WNT4: variants seen among roughly 807,000 people sequenced by gnomAD.
WNT4 encodes the protein Wnt family member 4.
Under a neutral mutation model 34.5 loss-of-function variants are expected in WNT4, and 16 were observed. That is an observed-to-expected ratio of 0.46 (90% CI 0.31 to 0.70). The LOEUF (loss-of-function observed/expected upper bound fraction) is 0.70, where lower values mean the gene tolerates loss of function less well. WNT4 is among the 30% of genes least tolerant of loss of function. WNT4 has a pLI of 0.04. For synonymous variants in WNT4, 200 were observed against 211.9 expected (o/e 0.94, Z 0.49); for missense variants, 379 against 495.9 (o/e 0.76, Z 2.24).
rs1646085167 is a variant in WNT4 at position 22,143,013 on chromosome 1, G to C, written c.-91C>G. On this transcript the variant is annotated 5_prime_UTR_variant, in exon 1 of 5. Transcript: ENST00000290167. ...GCAGGTGGGCGCCCGCGGGCGGGCC[G>C]GGGCGCGCGCGGCGGGGCTCTGCCT... 1.7e-6 allele frequency: 1 copy of C among 606,048 alleles called. No homozygotes were observed. Among genetic ancestry groups the C allele is most frequent in the Non-Finnish European group, 2.1e-6 (1 of 487,098 alleles). 37.5% of individuals were successfully genotyped at this position (606,048 alleles called of 1,614,324 possible).
chr1:22,128,332 C>G (rs1279698806), intron 2 of WNT4, among the ~76,000 whole-genome samples: 1 of 152,204 alleles, frequency 6.6e-6, no homozygotes, highest in Non-Finnish European at 1.5e-5. Context: ...AGTCAAAGGG[C>G]CTTGTCGATG....
chr1:22,128,990 G>T (rs1645961545), intron 2 of WNT4, among the ~76,000 whole-genome samples: 1 of 152,246 alleles, frequency 6.6e-6, no homozygotes, highest in Admixed American at 6.5e-5. Flanking sequence ...AAAGTGCTGG[G>T]ATTACAGGCA....
rs1293611783 is a variant in WNT4, at chr1:22,120,502, T to C, written c.604A>G (p.Met202Val). 1 of 1,612,322 alleles carries C rather than the reference T, an allele frequency of 6.2e-7. No homozygotes were observed. The highest frequency in any genetic ancestry group is 2.2e-5 in the East Asian group (1 of 44,830). ...EAGRKAILTH[M>V]RVECKCHGVS... ...CCGTGGCACTTGCATTCCACCCGCATGTGTGTCAGGATGGCCTGTGGGAGA... is the reference window on the plus strand; with the variant it reads ...CCGTGGCACTTGCATTCCACCCGCACGTGTGTCAGGATGGCCTGTGGGAGA... The change falls in exon 5 of 5, where the codon ATG (methionine) becomes GTG (valine). Residue 202 changes from methionine (M) to valine (V), a missense_variant. By Grantham distance (21) the Met-to-Val change is conservative. Coordinates refer to ENST00000290167, the MANE Select transcript of WNT4 (RefSeq NM_030761.5).
At chr1:22,126,102 C>T (rs1322048690) in intron 2 of WNT4, among the ~76,000 whole-genome samples, 1 of 152,220 alleles carries the variant, frequency 6.6e-6, no homozygotes, top group Non-Finnish European at 1.5e-5. Flanking sequence ...CCCGCCCTCC[C>T]GGCTGTGCCA....
intron 2 of WNT4, among the ~76,000 whole-genome samples, chr1:22,124,841 G>A (rs945909709): frequency 6.6e-5 from 10 of 152,286 alleles, no homozygotes; most frequent in African/African-American, 2.4e-4. Context: ...GCCAGGGCAC[G>A]TATCTTGTCG....
chr1:22,133,149 G>A (rs1319594037), intron 1 of WNT4, among the ~76,000 whole-genome samples: 1 of 152,076 alleles, frequency 6.6e-6, no homozygotes, highest in Non-Finnish European at 1.5e-5. Context: ...CTGTGGATAT[G>A]CCCCATTTAC....
chr1:22,121,114 C>T (rs1570088123), intron 4 of WNT4, 97 bp downstream of exon 4: 1 of 1,573,606 alleles, frequency 6.4e-7, no homozygotes, highest in Non-Finnish European at 8.6e-7. Context: ...TGAGAGCCTG[C>T]ACAAATGTTT....
intron 1 of WNT4, 64 bp from the exon 2 acceptor site, chr1:22,129,915 C>T (rs541190528): frequency 2.5e-6 from 4 of 1,571,448 alleles, no homozygotes; most frequent in African/African-American, 2.7e-5. Context: ...CCGGACCAGG[C>T]CTGAGCTCCA....
At chr1:22,131,829 T>C (rs919921870) in intron 1 of WNT4, among the ~76,000 whole-genome samples, 1 of 150,432 alleles carries the variant, frequency 6.6e-6, no homozygotes, top group Non-Finnish European at 1.5e-5. Context: ...TCCCCGCCCC[T>C]CCTTCCTATC....
chr1:22,131,411 C>A, intron 1 of WNT4, among the ~76,000 whole-genome samples: 1 of 152,144 alleles, frequency 6.6e-6, no homozygotes, highest in East Asian at 1.9e-4. Flanking sequence ...ATTGAATGTG[C>A]CTTAGGTGCA....
chr1:22,124,097 G>A (rs944351367), intron 2 of WNT4, among the ~76,000 whole-genome samples: 2 of 152,162 alleles, frequency 1.3e-5, no homozygotes, highest in Non-Finnish European at 2.9e-5. Flanking sequence ...CTGCTCGCTC[G>A]AGGAGGACCT....
chr1:22,120,117 A>T lies in WNT4; in HGVS notation c.989T>A (p.Phe330Tyr). 1 of 1,613,192 alleles carries T rather than the reference A, an allele frequency of 6.2e-7. No homozygotes were observed. The highest frequency in any genetic ancestry group is 8.5e-7 in the Non-Finnish European group (1 of 1,179,836). The change falls in exon 5 of 5, where the codon TTC (phenylalanine) becomes TAC (tyrosine). Residue 330 changes from phenylalanine to tyrosine, a missense_variant. Coordinates refer to ENST00000290167, the MANE Select transcript of WNT4 (RefSeq NM_030761.5). The part of the protein sequence containing the change: ...VELAERCSCK[F>Y]HWCCFVKCRQ... Reference sequence around the variant, plus strand: ...GCACTTGACGAAGCAGCACCAGTGGAATTTGCAGCTGCAGCGTTCAGCCAG... The same window carrying T: ...GCACTTGACGAAGCAGCACCAGTGGTATTTGCAGCTGCAGCGTTCAGCCAG...
At position 22,139,878 on chromosome 1, in the gene WNT4, C is replaced by A. The variant is rs557630313; in HGVS notation, c.77+2968G>T. ...CGGGCCCTCCCTCAGTGGTGGGAGC[C>A]GTCACAAGCTGTCAGCGGGCTCCTC... On this transcript the variant is annotated intron_variant, in intron 1 of 4. Transcript: ENST00000290167. The surrounding 1 kb of genome is among the most constrained non-coding windows in gnomAD (Gnocchi z 4.6). Among the ~76,000 whole-genome samples the A allele has an allele frequency of 1.3e-5, 2 of 152,174 alleles. 1 individual carries two copies. The highest frequency in any genetic ancestry group is 4.1e-4 in the South Asian group (2 of 4,834).
At chr1:22,141,585 G>A (rs866195918) in intron 1 of WNT4, among the ~76,000 whole-genome samples, 3 of 152,112 alleles carry the variant, frequency 2.0e-5, no homozygotes, top group Non-Finnish European at 4.4e-5. Flanking sequence ...CAAAAGCTCC[G>A]CAGCCACTTC....
chr1:22,119,228 G>GTT lies in WNT4; in HGVS notation c.*820_*821dup, dbSNP rs1553198620. On this transcript the variant is annotated 3_prime_UTR_variant, in exon 5 of 5. Coordinates refer to ENST00000290167, the MANE Select transcript of WNT4 (RefSeq NM_030761.5). ...TGTGTGTGTGTGTGTGTGTGTGTGT[G>GTT]TTTCAGTTTCATGGAGGAACAGCGC... 0.25 allele frequency: 30,051 copies of GTT among 119,672 alleles called. 4,417 individuals carry two copies. Among genetic ancestry groups the GTT allele is most frequent in the African/African-American group, 0.31 (9,641 of 30,692 alleles). 7.4% of individuals were successfully genotyped at this position (119,672 alleles called of 1,614,324 possible).
At chr1:22,126,258 G>C (rs1015433792) in intron 2 of WNT4, among the ~76,000 whole-genome samples, 2 of 152,206 alleles carry the variant, frequency 1.3e-5, no homozygotes, top group African/African-American at 4.8e-5. Context: ...TGAGACCTGG[G>C]GCAGTGCTGG....
Position 22,128,889 on chromosome 1 carries a change from T to C in WNT4, c.313+727A>G, listed in dbSNP as rs531570056. Among the ~76,000 whole-genome samples the C allele has an allele frequency of 3.9e-5, 6 of 152,058 alleles. No individual in the cohort carries two copies. The East Asian group carries it at 1.2e-3, about 29-fold the overall frequency. On this transcript the variant is annotated intron_variant, in intron 2 of 4. Coordinates refer to ENST00000290167, the MANE Select transcript of WNT4 (RefSeq NM_030761.5). ...CGCCCGCCACCACGCCCGGCTAATTTTTTTGTATTTTTAGTAGAGACGGGG... is the reference window on the plus strand; with the variant it reads ...CGCCCGCCACCACGCCCGGCTAATTCTTTTGTATTTTTAGTAGAGACGGGG...
chr1:22,138,405 CG>C (rs1048594857), intron 1 of WNT4, among the ~76,000 whole-genome samples: 128 of 151,534 alleles, frequency 8.4e-4, no homozygotes, highest in African/African-American at 2.4e-3. Flanking sequence ...TGATTTTGCC[CG>C]CCCCCCAGGG....
chr1:22,128,473 C>T (rs1044479517), intron 2 of WNT4, among the ~76,000 whole-genome samples: 1 of 152,196 alleles, frequency 6.6e-6, no homozygotes, highest in Admixed American at 6.5e-5. Context: ...ATAGACCGTT[C>T]TCTATGCCCT....
Sources: gnomAD v4.1 joint callset for allele counts (sites outside exome capture counted in the v4.1 genomes callset) on GRCh38, gnomAD v4.1.1 for gene constraint, Gnocchi (gnomAD v3.1) non-coding constraint, MANE v1.5 for transcripts, NCBI Gene and HGNC (gene_info 2026-07-23, HGNC 2026-07-21) for gene names.